PDE1A: variants seen among roughly 807,000 people sequenced by gnomAD.
PDE1A encodes the protein phosphodiesterase 1A.
Under a neutral mutation model 61.7 loss-of-function variants are expected in PDE1A, and 35 were observed. That is an observed-to-expected ratio of 0.57 (90% CI 0.43 to 0.75). PDE1A has a LOEUF of 0.75. PDE1A is among the 30% of genes least tolerant of loss of function. The pLI is 0.00. For synonymous variants in PDE1A, 232 were observed against 213.2 expected (o/e 1.09, Z -0.77); for missense variants, 597 against 630.6 (o/e 0.95, Z 0.57).
chr2:182,265,896 G>T (rs1258365844), intron 1 of PDE1A, among the ~76,000 whole-genome samples: 2 of 152,024 alleles, frequency 1.3e-5, no homozygotes. Context: ...AGTAGATTGC[G>T]GCTACTTTTA....
the PDE1A span, among the ~76,000 whole-genome samples, chr2:182,657,145 C>A: frequency 3.3e-4 from 51 of 152,266 alleles, no homozygotes; most frequent in African/African-American, 1.2e-3. Context: ...ATCGCTTGAA[C>A]CCGGGAGGTG....
At chr2:182,557,412 C>T in the PDE1A span, among the ~76,000 whole-genome samples, 1 of 151,612 alleles carries the variant, frequency 6.6e-6, no homozygotes, top group South Asian at 2.1e-4. Context: ...AGATTCTGGC[C>T]CATTTAAAAA....
chr2:182,364,288 T>TC (rs1559378862), intron 1 of PDE1A, among the ~76,000 whole-genome samples: 1 of 151,366 alleles, frequency 6.6e-6, no homozygotes, highest in East Asian at 1.9e-4. Context: ...GAGCAGTCCT[T>TC]CCCCCAGCTT....
rs541158229 is a variant in PDE1A at position 182,481,799 on chromosome 2, A to T, written c.101+40477T>A. ...TGCAGAGCAGATGGCACATGGCCCC[A>T]GTGCTCTATTAAGTTACAGTAAATC... On this transcript the variant is annotated intron_variant, in intron 2 of 14. Transcript: ENST00000410103. Among the ~76,000 whole-genome samples the T allele has an allele frequency of 2.6e-4, 40 of 152,066 alleles. No homozygotes were observed. In the South Asian group the frequency reaches 7.7e-3, roughly 29 times the overall value.
At chr2:182,349,275 T>C (rs540707312) in intron 1 of PDE1A, among the ~76,000 whole-genome samples, 2 of 152,120 alleles carry the variant, frequency 1.3e-5, no homozygotes, top group African/African-American at 4.8e-5. Context: ...AGGATAAACA[T>C]AGAATCTGTC....
chr2:182,184,462 T>C (rs917021587), intron 13 of PDE1A, among the ~76,000 whole-genome samples: 1 of 152,062 alleles, frequency 6.6e-6, no homozygotes, highest in African/African-American at 2.4e-5. Context: ...AAAAAATCAT[T>C]CAACAATTCT....
intron 8 of PDE1A, among the ~76,000 whole-genome samples, chr2:182,204,710 T>A (rs1227482637): frequency 6.6e-6 from 1 of 152,240 alleles, no homozygotes; most frequent in African/African-American, 2.4e-5. Context: ...AGGCTTCCTA[T>A]CCAGAGTGGG....
chr2:182,459,312 G>C (rs1269998842), intron 2 of PDE1A, among the ~76,000 whole-genome samples: 1 of 152,066 alleles, frequency 6.6e-6, no homozygotes, highest in Non-Finnish European at 1.5e-5. Context: ...GTTCTCAGAG[G>C]AGGGAATGTT....
chr2:182,707,282 G>A, the PDE1A span, among the ~76,000 whole-genome samples: 1 of 151,250 alleles, frequency 6.6e-6, no homozygotes, highest in Non-Finnish European at 1.5e-5. Context: ...AACATAAGCA[G>A]GAAAAAGGAA....
chr2:182,428,296 A>C (rs1439040287), upstream of PDE1A, among the ~76,000 whole-genome samples: 1 of 152,142 alleles, frequency 6.6e-6, no homozygotes, highest in Non-Finnish European at 1.5e-5. Context: ...TTCCAGCTTT[A>C]ATGGTACTAT....
chr2:182,463,687 G>A (rs1383049413), intron 2 of PDE1A: 1 of 152,112 alleles, frequency 6.6e-6, no homozygotes, highest in African/African-American at 2.4e-5. Flanking sequence ...AGTACATTTT[G>A]CAAGGCAAAA....
chr2:182,191,772 T>C (rs909412472), intron 10 of PDE1A, among the ~76,000 whole-genome samples: 1 of 151,842 alleles, frequency 6.6e-6, no homozygotes, highest in Admixed American at 6.6e-5. Context: ...TGTATTTTTA[T>C]ACTCTGTGGT....
the PDE1A span, among the ~76,000 whole-genome samples, chr2:182,621,033 A>G: frequency 6.6e-6 from 1 of 152,068 alleles, no homozygotes; most frequent in Non-Finnish European, 1.5e-5. Flanking sequence ...TACTCCCTGG[A>G]TATACTCCTA....
chr2:182,261,564 G>GA (rs1692220586), intron 2 of PDE1A, among the ~76,000 whole-genome samples: 2 of 151,994 alleles, frequency 1.3e-5, no homozygotes, highest in Admixed American at 6.6e-5. Context: ...TTATGTGAAG[G>GA]AAAAAAATAA....
chr2:182,256,561 A>G, intron 2 of PDE1A, among the ~76,000 whole-genome samples: 1 of 152,014 alleles, frequency 6.6e-6, no homozygotes, highest in Non-Finnish European at 1.5e-5. Flanking sequence ...ACACATGCAC[A>G]CGTATGTTTA....
downstream of PDE1A, among the ~76,000 whole-genome samples, chr2:182,166,810 G>A (rs1010795401): frequency 4.6e-5 from 7 of 152,104 alleles, no homozygotes; most frequent in African/African-American, 1.7e-4. Context: ...ACTTATTTGT[G>A]AAAATACATT....
chr2:182,579,721 G>A, the PDE1A span, among the ~76,000 whole-genome samples: 688 of 150,872 alleles, frequency 4.6e-3, 1 homozygote, highest in Non-Finnish European at 5.9e-3. Flanking sequence ...TACATGGTAT[G>A]CCCAAAAAAA....
At chr2:182,691,815 A>T in the PDE1A span, among the ~76,000 whole-genome samples, 1 of 152,150 alleles carries the variant, frequency 6.6e-6, no homozygotes, top group South Asian at 2.1e-4. Context: ...ATCTACAAAG[A>T]ACTCAAACAA....
At chr2:182,639,001 C>T in the PDE1A span, among the ~76,000 whole-genome samples, 1 of 152,206 alleles carries the variant, frequency 6.6e-6, no homozygotes, top group Non-Finnish European at 1.5e-5. Flanking sequence ...GGAAATCTAA[C>T]TCATGACATT....
Sources: allele counts gnomAD v4.1 joint callset (sites outside exome capture counted in the v4.1 genomes callset), GRCh38; gene constraint gnomAD v4.1.1; transcripts MANE v1.5; gene names NCBI Gene and HGNC (gene_info 2026-07-23, HGNC 2026-07-21).